Variants in RBFOX1 observed in about 807,000 individuals in gnomAD.
RBFOX1 encodes the protein RNA binding protein fox-1 homolog 1.
In RBFOX1, 8 loss-of-function variants were observed where a neutral mutation model predicts 57.7. That is an observed-to-expected ratio of 0.14 (90% confidence interval 0.08 to 0.25). The LOEUF is 0.25. Ranked by LOEUF, RBFOX1 falls within the 10% of genes least tolerant of loss-of-function variation. The pLI is 1.00. For synonymous variants in RBFOX1, 326 were observed against 222.4 expected, an observed-to-expected ratio of 1.47 and a Z score of -4.15; for missense variants, 611 against 548.5, an observed-to-expected ratio of 1.11 and a Z score of -1.14.
At chr16:6,445,311 C>T (rs954498225) in intron 2 of RBFOX1, among the ~76,000 whole-genome samples, 7 of 152,058 alleles carry the variant, frequency 4.6e-5, no homozygotes, top group Admixed American at 2.0e-4. Flanking sequence ...CATATGTATA[C>T]ATGTGCCATG....
At position 6,817,605 on chromosome 16, in the gene RBFOX1, C is replaced by G. The variant is rs530304825; in HGVS notation, c.-16+162955C>G. ...CGTGTAATTGCAGCTACTCGGGAGG[C>G]TGAGGCAAGAGAATCACTTGAACCC... is the stretch of plus-strand genomic sequence containing the variant. On this transcript the variant is annotated intron_variant, in intron 3 of 15. Coordinates refer to ENST00000550418, the MANE Select transcript of RBFOX1 (RefSeq NM_018723.4). Among the ~76,000 whole-genome samples the G allele has an allele frequency of 5.2e-3, 784 of 150,826 alleles. 3 individuals carry two copies. The highest frequency in any genetic ancestry group is 7.8e-3 in the Non-Finnish European group (527 of 67,860).
intron 4 of RBFOX1, among the ~76,000 whole-genome samples, chr16:7,127,349 C>G (rs888936642): frequency 2.0e-4 from 30 of 152,250 alleles, no homozygotes; most frequent in Non-Finnish European, 3.8e-4. Context: ...AATCTCAGGT[C>G]TGGTTATAAG....
chr16:7,470,682 G>A (rs574383656), intron 4 of RBFOX1, among the ~76,000 whole-genome samples: 43 of 152,170 alleles, frequency 2.8e-4, no homozygotes, highest in Non-Finnish European at 4.9e-4. Context: ...ATGGTTAGAT[G>A]GAAGAGTGGA....
intron 4 of RBFOX1, among the ~76,000 whole-genome samples, chr16:5,868,435 G>C (rs1041355106): frequency 2.6e-5 from 4 of 152,180 alleles, no homozygotes; most frequent in African/African-American, 9.7e-5. Context: ...GTATACCATG[G>C]GGATGGTTAT....
intron 4 of RBFOX1, among the ~76,000 whole-genome samples, chr16:7,384,053 C>CA (rs34230094): frequency 0.17 from 16,158 of 95,678 alleles, 1,059 homozygotes; most frequent in East Asian, 0.26. Context: ...GACTCCATCT[C>CA]AAAAAAAAAA....
rs772011808 is a variant in RBFOX1, at chr16:7,251,041, G to A, written c.27+198943G>A. Among the ~76,000 whole-genome samples the A allele has an allele frequency of 5.3e-5, 8 of 152,026 alleles. No homozygotes were observed. The South Asian group carries it at 6.2e-4, about 12-fold the overall frequency. On this transcript the variant is annotated intron_variant, in intron 4 of 15. Transcript: ENST00000550418. ...AACACTTAAAATCTACTCTTCCAGT[G>A]ATTTTCAAGAACATGATACATGTCA...
chr16:6,897,505 A>C (rs937128518), intron 3 of RBFOX1, among the ~76,000 whole-genome samples: 1 of 152,220 alleles, frequency 6.6e-6, no homozygotes, highest in Non-Finnish European at 1.5e-5. Context: ...TCAAGTCCAG[A>C]AGTCCAGGTT....
At chr16:5,670,764 C>G (rs2049992474) in intron 3 of RBFOX1, among the ~76,000 whole-genome samples, 1 of 152,184 alleles carries the variant, frequency 6.6e-6, no homozygotes, top group Non-Finnish European at 1.5e-5. Flanking sequence ...TTAGACCTGT[C>G]AACAAACTTG....
chr16:7,435,265 T>C (rs919324160), intron 4 of RBFOX1, among the ~76,000 whole-genome samples: 6 of 151,926 alleles, frequency 3.9e-5, no homozygotes, highest in African/African-American at 1.5e-4. Context: ...ACTAAGCAGG[T>C]GTTTTGTAGT....
chr16:6,765,101 C>T (rs544403101), intron 3 of RBFOX1, among the ~76,000 whole-genome samples: 14 of 151,830 alleles, frequency 9.2e-5, no homozygotes, highest in South Asian at 2.1e-4. Context: ...TCTGGGGAAG[C>T]GTGCTCTAGG....
chr16:5,511,381 T>G (rs2043586595), intron 2 of RBFOX1, among the ~76,000 whole-genome samples: 1 of 152,154 alleles, frequency 6.6e-6, no homozygotes, highest in African/African-American at 2.4e-5. Context: ...TGGTGGGGGG[T>G]GCCTTTATTT....
At chr16:6,157,587 C>T (rs1368697118) in intron 1 of RBFOX1, among the ~76,000 whole-genome samples, 1 of 151,926 alleles carries the variant, frequency 6.6e-6, no homozygotes, top group Non-Finnish European at 1.5e-5. Context: ...TACTAAATAC[C>T]CAGCCACCAC....
intron 14 of RBFOX1, among the ~76,000 whole-genome samples, chr16:7,684,462 T>A (rs1280824677): frequency 6.6e-6 from 1 of 152,078 alleles, no homozygotes; most frequent in Non-Finnish European, 1.5e-5. Flanking sequence ...TCAAATAGAT[T>A]AACAGATTTC....
In RBFOX1 at chr16:5,554,595, A is replaced by C. The variant is rs575645012; in HGVS notation, c.259-44307A>C. Among the ~76,000 whole-genome samples, 77 of 152,108 alleles carry C rather than the reference A, an allele frequency of 5.1e-4. 1 individual carries two copies. The highest frequency in any genetic ancestry group is 5.6e-4 in the Non-Finnish European group (38 of 68,018). On this transcript the variant is annotated intron_variant, in intron 2 of 2. Coordinates refer to the RBFOX1 transcript ENST00000585867. Reference sequence around the variant, plus strand: ...ATGAAAATGCACAGTTTTGCATTCAATGTCCATCTTGGGGCCAATGTAATG... The same window carrying C: ...ATGAAAATGCACAGTTTTGCATTCACTGTCCATCTTGGGGCCAATGTAATG...
intron 4 of RBFOX1, among the ~76,000 whole-genome samples, chr16:7,369,204 C>T (rs13338363): frequency 0.027 from 4,085 of 151,880 alleles, 186 homozygotes; most frequent in African/African-American, 0.09. Context: ...CCACCTTCCC[C>T]CAGCCCAATA....
intron 1 of RBFOX1, among the ~76,000 whole-genome samples, chr16:6,079,901 G>GT (rs1483296842): frequency 6.6e-6 from 1 of 152,152 alleles, no homozygotes; most frequent in Admixed American, 6.5e-5. Context: ...AAAATAATAA[G>GT]TGTCTAGTCC....
chr16:7,579,749 C>T, intron 5 of RBFOX1, 28 bp from the exon 6 acceptor site: 3 of 1,613,812 alleles, frequency 1.9e-6, no homozygotes, highest in Non-Finnish European at 1.7e-6. Flanking sequence ...CCACTGAGAA[C>T]CTCTTCGGTT....
chr16:5,928,635 A>G (rs973137923), intron 4 of RBFOX1, among the ~76,000 whole-genome samples: 2 of 151,654 alleles, frequency 1.3e-5, no homozygotes, highest in Non-Finnish European at 2.9e-5. Context: ...CTGGCCCTGT[A>G]ACTTTACACC....
intron 3 of RBFOX1, among the ~76,000 whole-genome samples, chr16:5,865,202 C>A (rs769367417): frequency 6.6e-6 from 1 of 152,164 alleles, no homozygotes; most frequent in African/African-American, 2.4e-5. Context: ...TATCATATTT[C>A]CCTGACATAT....
Sources: gnomAD v4.1 joint callset for allele counts (sites outside exome capture counted in the v4.1 genomes callset) on GRCh38, gnomAD v4.1.1 for gene constraint, MANE v1.5 for transcripts, NCBI Gene and HGNC (gene_info 2026-07-23, HGNC 2026-07-21) for gene names.